The following ARHGEF25 variants were observed in gnomAD, a reference collection of about 807,000 sequenced individuals.
ARHGEF25 encodes RAC/CDC42 exchange factor.
In ARHGEF25, 42 loss-of-function variants were observed where a neutral mutation model predicts 74.0. The observed-to-expected ratio is 0.57, with a 90% confidence interval of 0.44 to 0.73. The LOEUF (loss-of-function observed/expected upper bound fraction) is 0.73, where lower values mean the gene tolerates loss of function less well. ARHGEF25 is among the 30% of genes least tolerant of loss of function. ARHGEF25 has a pLI of 0.00. For missense variants in ARHGEF25, 645 were observed against 725.5 expected, an observed-to-expected ratio of 0.89 and a Z score of 1.27; for synonymous variants, 293 against 278.6, an observed-to-expected ratio of 1.05 and a Z score of -0.51.
rs1265245632 is a variant in ARHGEF25 at position 57,613,487 on chromosome 12, A to G, written c.456A>G (p.Glu152=). Residue 152 remains glutamate, a synonymous_variant, in exon 4 of 15, where the codon GAA becomes GAG. Transcript: ENST00000286494. ...TLSQAPESEE[E]QKKKALERSM... ...CCCAAGCCCCTGAGAGTGAGGAGGA[A>G]CAGAAGAAGAAGGCTCTGGAAAGGA... 1 of 1,614,128 alleles carries G rather than the reference A, an allele frequency of 6.2e-7. No homozygotes were observed. Among genetic ancestry groups the G allele is most frequent in the Non-Finnish European group, 8.5e-7 (1 of 1,180,058 alleles).
Position 57,615,925 on chromosome 12 carries a change from G to A in ARHGEF25, c.1328G>A (p.Arg443His), listed in dbSNP as rs1030933223. 6.2e-6 allele frequency: 10 copies of A among 1,614,064 alleles called. No homozygotes were observed. Among genetic ancestry groups the A allele is most frequent in the Middle Eastern group, 1.6e-4 (1 of 6,084 alleles). Residue 443 changes from arginine (R) to histidine (H), a missense_variant, in exon 13 of 15, where the codon CGC becomes CAC. Transcript: ENST00000286494. ...AGAGGGCCAGAGGGTGGGATCCAGC[G>A]CTATGTCCTGCAGGCTGCAGACCCT... The part of the protein sequence containing the change: ...TSRGPEGGIQ[R>H]YVLQAADPAI...
intron 14 of ARHGEF25, 91 bp downstream of exon 14, chr12:57,616,586 T>A: frequency 1.6e-6 from 2 of 1,261,318 alleles, no homozygotes; most frequent in Non-Finnish European, 2.2e-6. Flanking sequence ...ATATCATTCC[T>A]TCCTTTTATC....
upstream of ARHGEF25, chr12:57,610,327 G>A: frequency 1.4e-6 from 2 of 1,473,992 alleles, no homozygotes; most frequent in Non-Finnish European, 1.8e-6. Flanking sequence ...TAAGAATGGG[G>A]GCTCGCGGTG....
At chr12:57,615,161 C>G (rs1884227881) in intron 10 of ARHGEF25, 76 bp from the exon 11 acceptor site, 2 of 1,558,544 alleles carry the variant, frequency 1.3e-6, no homozygotes, top group Admixed American at 3.8e-5. Context: ...TCTGAAGAGG[C>G]AACTGGCCGA....
chr12:57,615,369 G>A (rs1388452251), intron 11 of ARHGEF25, 55 bp downstream of exon 11: 1 of 1,581,050 alleles, frequency 6.3e-7, no homozygotes, highest in African/African-American at 1.4e-5. Context: ...CCCAGCCCTA[G>A]CATTCAGGAG....
rs774668528 is a variant in ARHGEF25, at chr12:57,614,806, G to A, written c.909+25G>A. ...GGTCAGGACCCCCTTTTTCCTGGGGGCACAGCTGGCTGGCACAGCTGTTTC... is the reference window on the plus strand; with the variant it reads ...GGTCAGGACCCCCTTTTTCCTGGGGACACAGCTGGCTGGCACAGCTGTTTC... On this transcript the variant is annotated intron_variant, in intron 9 of 14. Transcript: ENST00000286494. The surrounding 1 kb of genome is among the most constrained non-coding windows in gnomAD (Gnocchi z 4.6). The A allele has an allele frequency of 3.8e-6, 6 of 1,592,262 alleles. No homozygotes were observed. The highest frequency in any genetic ancestry group is 4.5e-5 in the East Asian group (2 of 44,338).
rs1238120392 is a variant in ARHGEF25, at chr12:57,613,076, T to C, written c.244T>C (p.Leu82=). The C allele has an allele frequency of 3.7e-6, 6 of 1,613,920 alleles. No individual in the cohort carries two copies. Among genetic ancestry groups the C allele is most frequent in the Non-Finnish European group, 5.1e-6 (6 of 1,179,972 alleles). The part of the protein sequence containing the change: ...PGPVSGLRRW[L]DHSKHCLSVE... ...GCCCGTCAGTGGCCTGAGGAGATGG[T>C]TGGATCATTCCAAACATTGTCTCAG... The change falls in exon 2 of 15, where the codon TTG becomes CTG. Residue 82 remains leucine (L), a synonymous_variant. Transcript: ENST00000286494.
upstream of ARHGEF25, chr12:57,610,240 C>A: frequency 6.2e-7 from 1 of 1,602,416 alleles, no homozygotes; most frequent in Non-Finnish European, 8.5e-7. Context: ...ACCGCCCCGC[C>A]CCTGGCCGCA....
chr12:57,617,033 T>C lies in ARHGEF25; in HGVS notation c.*139T>C, dbSNP rs1023303976. The C allele has an allele frequency of 1.6e-6, 1 of 630,678 alleles. No individual in the cohort carries two copies. Among genetic ancestry groups the C allele is most frequent in the Non-Finnish European group, 2.7e-6 (1 of 367,304 alleles). 39.1% of individuals were successfully genotyped at this position (630,678 alleles called of 1,614,324 possible). ...GGGCAAGGCTGGGAGGGATATCAAC[T>C]TGGAGGAGAACACCTAGACCCAAGG... On this transcript the variant is annotated 3_prime_UTR_variant, in exon 15 of 15. Transcript: ENST00000286494.
At chr12:57,610,457 G>T, upstream of ARHGEF25, 1 of 1,124,944 alleles carries the variant, frequency 8.9e-7, no homozygotes, top group Non-Finnish European at 1.3e-6. Context: ...CCATAGCCCC[G>T]TTCTGGGCGA....
Position 57,616,259 on chromosome 12 carries a change from C to T in ARHGEF25, c.1421-25C>T, listed in dbSNP as rs367824691. The T allele has an allele frequency of 5.0e-4, 807 of 1,598,210 alleles. 2 individuals carry two copies. The highest frequency in any genetic ancestry group is 1.2e-3 in the Admixed American group (68 of 58,930). On this transcript the variant is annotated intron_variant, in intron 13 of 14. Coordinates refer to ENST00000286494, the MANE Select transcript of ARHGEF25 (RefSeq NM_182947.4). ...GCAGACCTGTCTCTGCGGTAACCCT[C>T]CTTCTGTTCCTCTCTTTGCTCCAGC...
At chr12:57,616,071 G>A in intron 13 of ARHGEF25, 54 bp downstream of exon 13, 1 of 1,572,144 alleles carries the variant, frequency 6.4e-7, no homozygotes, top group Non-Finnish European at 8.6e-7. Flanking sequence ...TTAACCTCCT[G>A]AATCCCTCAC....
chr12:57,611,868 TG>T lies in ARHGEF25; in HGVS notation c.-21del. ...ATTCCCCCTGCATGGCCGGCCCGGG[TG>T]GGGGGCGCGGGGGGGCCCGGGCGCC... On this transcript the variant is annotated 5_prime_UTR_variant, in exon 1 of 15. Transcript: ENST00000286494. This position sits in a 1 kb window ranked among gnomAD's most constrained non-coding sequence, Gnocchi z 4.5. 12 of 1,072,800 alleles carry T rather than the reference TG, an allele frequency of 1.1e-5. No homozygotes were observed. Among genetic ancestry groups the T allele is most frequent in the Non-Finnish European group, 1.3e-5 (11 of 856,380 alleles). The allele number at this position is 1,072,800 out of a possible 1,614,324, so 66.5% of individuals were successfully genotyped here. A position where few individuals can be genotyped will look rare whatever the true frequency, so the allele number is the denominator to read the frequency against.
At chr12:57,610,149 A>C, upstream of ARHGEF25, 1 of 832,634 alleles carries the variant, frequency 1.2e-6, no homozygotes, top group Non-Finnish European at 1.9e-6. Flanking sequence ...GGACGCGCGC[A>C]GGCCTCAAAG....
chr12:57,610,441 C>A (rs1883991476), upstream of ARHGEF25: 2 of 1,069,708 alleles, frequency 1.9e-6, no homozygotes, highest in East Asian at 2.7e-5. Flanking sequence ...AATTCTATTA[C>A]GAGGGCCATA....
At chr12:57,612,226 G>A (rs374616150) in intron 1 of ARHGEF25, 3 of 299,992 alleles carry the variant, frequency 1.0e-5, no homozygotes, top group African/African-American at 6.5e-5. Flanking sequence ...AAATGGGTTT[G>A]AGAAAAACCC....
At position 57,614,707 on chromosome 12, in the gene ARHGEF25, G is replaced by A; in HGVS notation, c.835G>A (p.Gly279Arg). 7.4e-6 allele frequency: 12 copies of A among 1,613,564 alleles called. No homozygotes were observed. The highest frequency in any genetic ancestry group is 1.0e-5 in the Non-Finnish European group (12 of 1,179,888). ...TCCCCAGGAGCTCCGGCAGCAGCTGGGGCACCGCCTGCAGCTGAACGACCT... is the reference window on the plus strand; with the variant it reads ...TCCCCAGGAGCTCCGGCAGCAGCTGAGGCACCGCCTGCAGCTGAACGACCT... ...SYFEELRQQL[G>R]HRLQLNDLLI... Residue 279 changes from glycine (G) to arginine (R), a missense_variant, in exon 9 of 15, where the codon GGG (glycine) becomes AGG (arginine). Gly to Arg is a moderately radical substitution (Grantham distance 125). This residue lies in a region of ARHGEF25 where 194 missense variants were observed against 269.4 expected (regional missense o/e 0.72). Coordinates refer to ENST00000286494, the MANE Select transcript of ARHGEF25 (RefSeq NM_182947.4). The surrounding 1 kb of genome is among the most constrained non-coding windows in gnomAD (Gnocchi z 4.6).
rs1884063561 is a variant in ARHGEF25, at chr12:57,611,853, C to T, written c.-42C>T. 1.6e-6 allele frequency: 2 copies of T among 1,215,934 alleles called. No homozygotes were observed. The highest frequency in any genetic ancestry group is 2.1e-6 in the Non-Finnish European group (2 of 959,826). 75.3% of individuals were successfully genotyped at this position (1,215,934 alleles called of 1,614,324 possible). On this transcript the variant is annotated 5_prime_UTR_variant, in exon 1 of 15. Transcript: ENST00000286494. The surrounding 1 kb of genome is among the most constrained non-coding windows in gnomAD (Gnocchi z 4.5). ...GCCCCGCCCCCCGTGATTCCCCCTG[C>T]ATGGCCGGCCCGGGTGGGGGGCGCG...
In ARHGEF25 at chr12:57,615,614, G is replaced by A. The variant is rs369900388; in HGVS notation, c.1141G>A (p.Val381Ile). Reference protein sequence around the residue: ...LLSSRGRERRVFLFEQIIIFS... With the variant: ...LLSSRGRERRIFLFEQIIIFS... ...GTCTTCCCGAGGTCGAGAGAGGCGC[G>A]TCTTCCTCTTTGAGCAAATCATCAT... is the stretch of plus-strand genomic sequence containing the variant. The change falls in exon 12 of 15, where the codon GTC (valine) becomes ATC (isoleucine). Residue 381 changes from valine to isoleucine, a missense_variant. Val to Ile is a conservative substitution (Grantham distance 29). Transcript: ENST00000286494. The A allele has an allele frequency of 2.9e-5, 47 of 1,614,042 alleles. No homozygotes were observed. Among genetic ancestry groups the A allele is most frequent in the East Asian group, 6.7e-5 (3 of 44,896 alleles).
Sources: gnomAD v4.1 joint callset for allele counts on GRCh38, gnomAD v4.1.1 for gene constraint, gnomAD v4.1.1 regional missense constraint, Gnocchi (gnomAD v3.1) non-coding constraint, MANE v1.5 for transcripts, NCBI Gene and HGNC (gene_info 2026-07-23, HGNC 2026-07-21) for gene names.